CHRM3: variants seen among roughly 807,000 people sequenced by gnomAD.
The protein encoded by CHRM3 is cholinergic receptor muscarinic 3, also known as muscarinic acetylcholine receptor M3.
Under a neutral mutation model 41.8 loss-of-function variants are expected in CHRM3, and 11 were observed. That is an observed-to-expected ratio of 0.26 (90% confidence interval 0.17 to 0.44). CHRM3 has a LOEUF of 0.44. CHRM3 is among the 20% of genes least tolerant of loss of function. The probability of loss-of-function intolerance (pLI) is 1.00; values close to 1 mark genes in which losing one functional copy is unlikely to be tolerated. For synonymous variants in CHRM3, 297 were observed against 301.4 expected (o/e 0.99, Z 0.15); for missense variants, 571 against 745.4 (o/e 0.77, Z 2.72).
chr1:239,571,325 A>T lies in CHRM3; in HGVS notation c.-313+25576A>T, dbSNP rs139785824. Among the ~76,000 whole-genome samples the T allele has an allele frequency of 1.8e-3, 274 of 152,154 alleles. 3 individuals carry two copies. The East Asian group carries it at 0.019, about 10-fold the overall frequency. On this transcript the variant is annotated intron_variant, in intron 3 of 6. Coordinates refer to ENST00000676153, the MANE Select transcript of CHRM3 (RefSeq NM_001375978.1). ...GTTTCTGGGAAGTATTTTAGCAAGG[A>T]AACAGTGCAAAAAATATTTCCCAGA... is the stretch of plus-strand genomic sequence containing the variant.
At chr1:239,634,424 A>G (rs1558402038) in intron 4 of CHRM3, among the ~76,000 whole-genome samples, 1 of 137,886 alleles carries the variant, frequency 7.3e-6, no homozygotes, top group Non-Finnish European at 1.6e-5. Context: ...GAAGAAAAGA[A>G]AAGAGAAAAA....
intron 2 of CHRM3, among the ~76,000 whole-genome samples, chr1:239,515,955 G>A (rs909974045): frequency 6.6e-6 from 1 of 152,116 alleles, no homozygotes; most frequent in Non-Finnish European, 1.5e-5. Context: ...TTGTTGAATG[G>A]GATTGTAGGA....
chr1:239,664,764 T>A (rs895304381), intron 4 of CHRM3, among the ~76,000 whole-genome samples: 3 of 152,170 alleles, frequency 2.0e-5, no homozygotes, highest in African/African-American at 7.2e-5. Context: ...ATGTTGCACA[T>A]CCGTAGTGGA....
chr1:239,753,356 G>T (rs147419755), intron 5 of CHRM3, among the ~76,000 whole-genome samples: 2 of 152,228 alleles, frequency 1.3e-5, no homozygotes, highest in East Asian at 3.9e-4. Context: ...AAGAAAAGAG[G>T]CTTAATTGAC....
intron 2 of CHRM3, among the ~76,000 whole-genome samples, chr1:239,521,285 C>A (rs12119752): frequency 0.16 from 23,620 of 152,074 alleles, 2,316 homozygotes; most frequent in Non-Finnish European, 0.2. Flanking sequence ...GCTAATATTG[C>A]CCTATTTCCA....
chr1:239,440,264 A>G (rs1164408187), intron 1 of CHRM3, among the ~76,000 whole-genome samples: 2 of 151,792 alleles, frequency 1.3e-5, no homozygotes, highest in Non-Finnish European at 2.9e-5. Context: ...ATAAATTTAC[A>G]TATAAGCCAA....
intron 1 of CHRM3, among the ~76,000 whole-genome samples, chr1:239,428,496 T>C (rs1174709695): frequency 6.6e-6 from 1 of 152,184 alleles, no homozygotes; most frequent in Admixed American, 6.5e-5. Context: ...CCCTATGGAG[T>C]ATGAATGAAA....
intron 6 of CHRM3, among the ~76,000 whole-genome samples, chr1:239,873,904 C>T (rs1295046773): frequency 6.6e-6 from 1 of 152,158 alleles, no homozygotes; most frequent in Non-Finnish European, 1.5e-5. Flanking sequence ...CCTACCTGCT[C>T]CTCTCATCGG....
At chr1:239,565,187 T>C (rs1661236392) in intron 3 of CHRM3, among the ~76,000 whole-genome samples, 1 of 152,212 alleles carries the variant, frequency 6.6e-6, no homozygotes, top group Non-Finnish European at 1.5e-5. Context: ...AGATCCTTAG[T>C]TAATTACATC....
At chr1:239,754,342 T>A (rs1666069526) in intron 5 of CHRM3, among the ~76,000 whole-genome samples, 1 of 152,254 alleles carries the variant, frequency 6.6e-6, no homozygotes, top group Admixed American at 6.5e-5. Context: ...TAGCTTTATT[T>A]TAACCTGCAT....
chr1:239,870,406 C>T (rs985407436), intron 6 of CHRM3, among the ~76,000 whole-genome samples: 8 of 152,118 alleles, frequency 5.3e-5, no homozygotes, highest in African/African-American at 1.2e-4. Context: ...TTAAGTCATA[C>T]GATAAGGATT....
intron 3 of CHRM3, among the ~76,000 whole-genome samples, chr1:239,586,942 T>C (rs1303721190): frequency 6.6e-6 from 1 of 152,182 alleles, no homozygotes; most frequent in Non-Finnish European, 1.5e-5. Flanking sequence ...TCTCCCAAAA[T>C]ACAGGTCTTT....
rs1680157510 is a variant in CHRM3, at chr1:239,908,606, A to G, written c.1155A>G (p.Ser385=). Residue 385 remains serine (S), a synonymous_variant, in exon 7 of 7, where the codon TCA becomes TCG. Coordinates refer to ENST00000676153, the MANE Select transcript of CHRM3 (RefSeq NM_001375978.1). This position sits in a 1 kb window ranked among gnomAD's most constrained non-coding sequence, Gnocchi z 7.2. Reference sequence around the variant, plus strand: ...TCCTCAACTCCACCAAGTTACCCTCATCGGACAACCTGCAGGTGCCTGAGG... The same window carrying G: ...TCCTCAACTCCACCAAGTTACCCTCGTCGGACAACCTGCAGGTGCCTGAGG... ...STILNSTKLP[S]SDNLQVPEEE... The G allele has an allele frequency of 6.2e-7, 1 of 1,605,018 alleles. No homozygotes were observed. The highest frequency in any genetic ancestry group is 1.3e-5 in the African/African-American group (1 of 74,778).
At chr1:239,844,522 A>G (rs1378632931) in intron 6 of CHRM3, among the ~76,000 whole-genome samples, 2 of 152,188 alleles carry the variant, frequency 1.3e-5, no homozygotes, top group South Asian at 2.1e-4. Flanking sequence ...ATTAGGCCCT[A>G]AGAAGTAGCA....
chr1:239,534,043 T>C (rs554759147), intron 2 of CHRM3, among the ~76,000 whole-genome samples: 3 of 152,090 alleles, frequency 2.0e-5, no homozygotes, highest in Non-Finnish European at 4.4e-5. Context: ...ATGCTCGTTT[T>C]AGGGCTGGGT....
chr1:239,486,541 C>A (rs927221399), intron 1 of CHRM3, among the ~76,000 whole-genome samples: 3 of 152,240 alleles, frequency 2.0e-5, no homozygotes, highest in Admixed American at 2.0e-4. Flanking sequence ...TTTGAAGAAC[C>A]AAATAGTAAA....
intron 5 of CHRM3, among the ~76,000 whole-genome samples, chr1:239,728,214 C>G (rs1663627174): frequency 6.6e-6 from 1 of 151,982 alleles, no homozygotes; most frequent in Admixed American, 6.6e-5. Flanking sequence ...CAAACACTTA[C>G]TTCACAACAT....
At chr1:239,518,086 A>G (rs2148244362) in intron 2 of CHRM3, among the ~76,000 whole-genome samples, 1 of 152,224 alleles carries the variant, frequency 6.6e-6, no homozygotes, top group East Asian at 1.9e-4. Flanking sequence ...AGCCTGGGCA[A>G]CAGAGTGAGA....
intron 3 of CHRM3, among the ~76,000 whole-genome samples, chr1:239,574,339 T>C (rs1239975039): frequency 6.6e-6 from 1 of 152,090 alleles, no homozygotes; most frequent in Non-Finnish European, 1.5e-5. Flanking sequence ...TCTCCTTCTT[T>C]CTGTCTTCAC....
Sources: allele counts gnomAD v4.1 joint callset (sites outside exome capture counted in the v4.1 genomes callset), GRCh38; gene constraint gnomAD v4.1.1; non-coding constraint Gnocchi (gnomAD v3.1); transcripts MANE v1.5; gene names NCBI Gene and HGNC (gene_info 2026-07-23, HGNC 2026-07-21).